The following MYOM2 variants were observed in gnomAD, a reference collection of about 807,000 sequenced individuals.
MYOM2 encodes the protein myomesin-2.
A neutral mutation model predicts 187.6 loss-of-function variants in MYOM2; 254 were observed. That is an observed-to-expected ratio of 1.35 (90% CI 1.22 to 1.50). The LOEUF (loss-of-function observed/expected upper bound fraction) is 1.50, where lower values mean the gene tolerates loss of function less well. MYOM2 is among the 40% of genes most tolerant of loss of function. The pLI is 0.00. For synonymous variants in MYOM2, 981 were observed against 753.8 expected (o/e 1.30, Z -4.94); for missense variants, 2,796 against 1,924.0 (o/e 1.45, Z -8.48).
rs1181207534 is a variant in MYOM2 at position 2,059,210 on chromosome 8, G to A, written c.618G>A (p.Glu206=). The A allele has an allele frequency of 6.2e-7, 1 of 1,614,112 alleles. No homozygotes were observed. The highest frequency in any genetic ancestry group is 8.5e-7 in the Non-Finnish European group (1 of 1,180,054). ...QAAEPGKYRI[E]SNYGVHTLEI... is the part of the protein sequence containing the mutation. ...CTGAACCGGGAAAGTACAGGATTGA[G>A]AGCAACTATGGCGTACACACACTGG... is the stretch of plus-strand genomic sequence containing the variant. The change falls in exon 6 of 37, where the codon GAG becomes GAA. Residue 206 remains glutamate, a synonymous_variant. Transcript: ENST00000262113.
At position 2,106,283 on chromosome 8, in the gene MYOM2, AT is replaced by A; in HGVS notation, c.2777del (p.Ile926ThrfsTer10). On this transcript the variant is annotated frameshift_variant, in exon 22 of 37. Coordinates refer to ENST00000262113, the MANE Select transcript of MYOM2 (RefSeq NM_003970.4). LOFTEE classifies it high-confidence loss of function. ...ISAGVDEQGN[I>X]YLGFDCQEMT... is the part of the protein sequence containing the mutation. ...TGCTGGTGTCGATGAACAAGGCAAC[AT>A]CTATCTGGGCTTCGACTGCCAGGAA... 2.0e-5 allele frequency: 33 copies of A among 1,614,166 alleles called. No homozygotes were observed. The highest frequency in any genetic ancestry group is 2.8e-5 in the Non-Finnish European group (33 of 1,180,034).
chr8:2,051,827 T>C (rs117739278), intron 2 of MYOM2, among the ~76,000 whole-genome samples: 2 of 152,134 alleles, frequency 1.3e-5, no homozygotes, highest in African/African-American at 2.4e-5. Context: ...TGTGCAAGTG[T>C]GTGTACACTT....
chr8:2,093,908 TCTG>T, intron 16 of MYOM2, 59 bp from the exon 17 acceptor site: 14 of 1,578,790 alleles, frequency 8.9e-6, no homozygotes. Context: ...GATTTTTGCT[TCTG>T]CTGCAGGAGA....
chr8:2,143,185 C>G (rs1468033445), intron 35 of MYOM2, among the ~76,000 whole-genome samples: 1 of 152,170 alleles, frequency 6.6e-6, no homozygotes, highest in Non-Finnish European at 1.5e-5. Flanking sequence ...CTCCCCCAAC[C>G]CCTTCACAGA....
intron 28 of MYOM2, among the ~76,000 whole-genome samples, chr8:2,122,952 A>G (rs572560372): frequency 2.6e-4 from 35 of 136,608 alleles, no homozygotes; most frequent in Non-Finnish European, 4.5e-4. Flanking sequence ...TGTTAATGAC[A>G]TTTCATATAG....
chr8:2,097,201 T>C lies in MYOM2; in HGVS notation c.2313+767T>C, dbSNP rs551510884. ...ACTAGAAAATTCTGCCTTATAAATC[T>C]ATCTCTTTATAATATATGTTAATAT... On this transcript the variant is annotated intron_variant, in intron 18 of 36. Transcript: ENST00000262113. The C allele has an allele frequency of 2.1e-5, 12 of 572,788 alleles. No homozygotes were observed. In the South Asian group the frequency reaches 6.0e-4, roughly 29 times the overall value. 35.5% of individuals were successfully genotyped at this position (572,788 alleles called of 1,614,324 possible).
intron 3 of MYOM2, among the ~76,000 whole-genome samples, chr8:2,052,936 A>T (rs1035632530): frequency 6.6e-6 from 1 of 152,186 alleles, no homozygotes; most frequent in Admixed American, 6.5e-5. Context: ...TGGGAATGGG[A>T]TGGATTAATA....
chr8:2,121,237 C>T (rs148169275), intron 28 of MYOM2, among the ~76,000 whole-genome samples: 1 of 152,158 alleles, frequency 6.6e-6, no homozygotes, highest in African/African-American at 2.4e-5. Context: ...AACTCAAAGC[C>T]CAGAGCAAGT....
At chr8:2,059,296 C>T in intron 6 of MYOM2, 51 bp downstream of exon 6, 4 of 1,537,156 alleles carry the variant, frequency 2.6e-6, no homozygotes, top group Non-Finnish European at 3.6e-6. Flanking sequence ...ATCAGCATTG[C>T]AGACCCCAAA....
chr8:2,126,991 G>A (rs1797670956), intron 31 of MYOM2, among the ~76,000 whole-genome samples: 1 of 150,880 alleles, frequency 6.6e-6, no homozygotes, highest in Non-Finnish European at 1.5e-5. Flanking sequence ...GGAGGCTGGG[G>A]GAGCACTGGG....
At chr8:2,071,002 C>T (rs961981151) in intron 8 of MYOM2, among the ~76,000 whole-genome samples, 7 of 151,988 alleles carry the variant, frequency 4.6e-5, no homozygotes, top group Admixed American at 2.0e-4. Context: ...GGGTCTCACT[C>T]GGTCGCCCAG....
In MYOM2 at chr8:2,120,689, A is replaced by AAATATAT. The variant is rs1554432196; in HGVS notation, c.3454-2562_3454-2561insATATATA. On this transcript the variant is annotated intron_variant, in intron 28 of 36. Coordinates refer to ENST00000262113, the MANE Select transcript of MYOM2 (RefSeq NM_003970.4). Reference sequence around the variant, plus strand: ...ATATATATATATTATATTATATATAAATATATAATATATATATTTTAATTG... The same window carrying AAATATAT: ...ATATATATATATTATATTATATATAAAATATATATATATAATATATATATTTTAATTG... Among the ~76,000 whole-genome samples the AAATATAT allele has an allele frequency of 3.9e-3, 164 of 42,388 alleles. 14 individuals are homozygous for AAATATAT. Among genetic ancestry groups the AAATATAT allele is most frequent in the African/African-American group, 0.012 (154 of 13,330 alleles). 27.8% of individuals were successfully genotyped at this position (42,388 alleles called of 152,430 possible).
intron 32 of MYOM2, among the ~76,000 whole-genome samples, chr8:2,136,116 A>G (rs751052977): frequency 6.6e-6 from 1 of 152,218 alleles, no homozygotes; most frequent in South Asian, 2.1e-4. Context: ...ACCCAGTCCA[A>G]GAGAAGTGTG....
intron 23 of MYOM2, among the ~76,000 whole-genome samples, chr8:2,108,318 C>A (rs1057333412): frequency 6.7e-6 from 1 of 149,590 alleles, no homozygotes; most frequent in African/African-American, 2.5e-5. Context: ...TGGTAATACA[C>A]TATAGTGATG....
intron 32 of MYOM2, among the ~76,000 whole-genome samples, chr8:2,129,887 G>C (rs1797793043): frequency 1.3e-5 from 2 of 151,244 alleles, no homozygotes; most frequent in African/African-American, 4.9e-5. Flanking sequence ...CCCAAAACAG[G>C]ACTCGCATCA....
chr8:2,050,290 G>A (rs777580897), intron 1 of MYOM2, among the ~76,000 whole-genome samples: 5 of 152,012 alleles, frequency 3.3e-5, no homozygotes, highest in Admixed American at 6.6e-5. Flanking sequence ...CACCTGCCTC[G>A]TGGGCCACTC....
intron 25 of MYOM2, 24 bp downstream of exon 25, chr8:2,109,555 C>T: frequency 6.3e-7 from 1 of 1,592,028 alleles, no homozygotes; most frequent in Non-Finnish European, 8.5e-7. Context: ...TGAGTGATCT[C>T]TGGCTTTGCA....
chr8:2,090,553 G>T (rs1796263099), intron 15 of MYOM2, among the ~76,000 whole-genome samples: 1 of 152,152 alleles, frequency 6.6e-6, no homozygotes, highest in Non-Finnish European at 1.5e-5. Context: ...TTGTTGTAAA[G>T]ATTATTTCGT....
chr8:2,062,345 G>T (rs78622743), intron 6 of MYOM2, among the ~76,000 whole-genome samples: 1 of 152,200 alleles, frequency 6.6e-6, no homozygotes, highest in Admixed American at 6.5e-5. Context: ...TGGCAGGCCT[G>T]GTGGGAGCCC....
Sources: gnomAD v4.1 joint callset for allele counts (sites outside exome capture counted in the v4.1 genomes callset) on GRCh38, gnomAD v4.1.1 for gene constraint, MANE v1.5 for transcripts, NCBI Gene and HGNC (gene_info 2026-07-23, HGNC 2026-07-21) for gene names.